The following ZNF280D variants were observed in gnomAD, a reference collection of about 807,000 sequenced individuals.
ZNF280D encodes the protein suppressor of hairy wing homolog 4.
In ZNF280D, 39 loss-of-function variants were observed where a neutral mutation model predicts 94.7. The observed-to-expected ratio is 0.41, with a 90% CI of 0.32 to 0.54. The LOEUF (loss-of-function observed/expected upper bound fraction) is 0.54. ZNF280D is among the 20% of genes least tolerant of loss of function. The probability of loss-of-function intolerance (pLI) is 0.22; values close to 1 mark genes in which losing one functional copy is unlikely to be tolerated. For missense variants in ZNF280D, 1,090 were observed against 1,149.3 expected (o/e 0.95, Z 0.75); for synonymous variants, 398 against 377.6 (o/e 1.05, Z -0.63).
Position 56,654,514 on chromosome 15 carries a change from A to G in ZNF280D, c.2058-11T>C. ...ACTAGAGTAATGCCCCTAAAAAAAA[A>G]AGCATTAAAAAAAGATTTTTATCTT... On this transcript the variant is annotated splice_polypyrimidine_tract_variant and intron_variant, in intron 17 of 21. Coordinates refer to ENST00000267807, the MANE Select transcript of ZNF280D (RefSeq NM_017661.4). 1 of 1,561,760 alleles carries G rather than the reference A, an allele frequency of 6.4e-7. No homozygotes were observed. Among genetic ancestry groups the G allele is most frequent in the Non-Finnish European group, 8.6e-7 (1 of 1,161,264 alleles).
intron 13 of ZNF280D, among the ~76,000 whole-genome samples, chr15:56,671,368 G>A (rs1365395611): frequency 6.6e-6 from 1 of 152,026 alleles, no homozygotes; most frequent in East Asian, 1.9e-4. Flanking sequence ...GTAAGGAAGG[G>A]GTCCAGTTTC....
intron 7 of ZNF280D, among the ~76,000 whole-genome samples, chr15:56,692,254 A>T (rs1219546338): frequency 6.6e-6 from 1 of 152,088 alleles, no homozygotes; most frequent in Non-Finnish European, 1.5e-5. Context: ...ATCAAGTATT[A>T]AAAAATTGGA....
At chr15:56,697,215 C>CAG (rs1243311564) in intron 6 of ZNF280D, among the ~76,000 whole-genome samples, 3 of 151,664 alleles carry the variant, frequency 2.0e-5, no homozygotes, top group Non-Finnish European at 2.9e-5. Context: ...GATGGAGTCT[C>CAG]ACTCTGTCAC....
chr15:56,658,567 T>G (rs1226934618), intron 16 of ZNF280D, 81 bp from the exon 17 acceptor site: 1 of 963,406 alleles, frequency 1.0e-6, no homozygotes, highest in East Asian at 3.0e-5. Flanking sequence ...AGTCCATACT[T>G]AAGTTTCTAG....
rs1181936770 is a variant in ZNF280D at position 56,666,809 on chromosome 15, G to A, written c.1723C>T (p.Pro575Ser). 6.2e-7 allele frequency: 1 copy of A among 1,613,600 alleles called. No individual in the cohort carries two copies. The highest frequency in any genetic ancestry group is 8.5e-7 in the Non-Finnish European group (1 of 1,179,860). ...PNTVKSNASKPNTSKPNGSKS... is the reference protein window; with the variant it reads ...PNTVKSNASKSNTSKPNGSKS... ...CTTCCATTAGGCTTACTTGTATTAG[G>A]TTTACTTGCGTTGGATTTGACTGTA... is the stretch of plus-strand genomic sequence containing the variant. The change falls in exon 15 of 22, where the codon CCT becomes TCT. Residue 575 changes from proline (P) to serine (S), a missense_variant. By Grantham distance (74) the Pro-to-Ser change is moderately conservative. This residue lies in a region of ZNF280D where 577 missense variants were observed against 568.8 expected (regional missense o/e 1.01). Transcript: ENST00000267807.
intron 3 of ZNF280D, 48 bp from the exon 4 acceptor site, chr15:56,704,315 T>A (rs1567011156): frequency 6.5e-7 from 1 of 1,526,926 alleles, no homozygotes; most frequent in Admixed American, 2.3e-5. Context: ...AAAATAAAAA[T>A]AAAAACATTT....
chr15:56,699,816 G>A (rs1038884283), intron 6 of ZNF280D: 1 of 154,198 alleles, frequency 6.5e-6, no homozygotes, highest in South Asian at 2.1e-4. Context: ...ACATTCAAGT[G>A]TAGAGAGTTA....
chr15:56,653,108 C>A, intron 19 of ZNF280D: 3 of 990,612 alleles, frequency 3.0e-6, no homozygotes, highest in Non-Finnish European at 3.6e-6. Context: ...GTAAAAATAA[C>A]TGCAATTTTG....
At chr15:56,643,125 A>G in intron 19 of ZNF280D, 128 bp from the exon 20 acceptor site, 1 of 539,876 alleles carries the variant, frequency 1.9e-6, no homozygotes, top group Non-Finnish European at 3.0e-6. Context: ...TTTATACTTT[A>G]ATAGTAAATT....
chr15:56,730,723 C>G (rs1414224128), intron 1 of ZNF280D: 3 of 152,190 alleles, frequency 2.0e-5, no homozygotes, highest in Non-Finnish European at 2.9e-5. Context: ...TTCCAAGTTC[C>G]CTAAAGTAGA....
chr15:56,668,606 T>C (rs1166475606), intron 14 of ZNF280D, among the ~76,000 whole-genome samples: 1 of 152,094 alleles, frequency 6.6e-6, no homozygotes, highest in Non-Finnish European at 1.5e-5. Flanking sequence ...AATTGAGTTG[T>C]ACTTTTTAAA....
At chr15:56,695,089 T>A (rs1358033424) in intron 6 of ZNF280D, among the ~76,000 whole-genome samples, 1 of 140,754 alleles carries the variant, frequency 7.1e-6, no homozygotes, top group Non-Finnish European at 1.6e-5. Flanking sequence ...TGTGTGTGTG[T>A]GAAATGGAGT....
intron 8 of ZNF280D, 41 bp downstream of exon 8, chr15:56,689,259 A>C: frequency 6.3e-7 from 1 of 1,578,332 alleles, no homozygotes; most frequent in Non-Finnish European, 8.6e-7. Context: ...TGTATGTATA[A>C]ATACTATAAC....
chr15:56,655,292 C>CCA (rs1413331794), intron 17 of ZNF280D, among the ~76,000 whole-genome samples: 1 of 152,216 alleles, frequency 6.6e-6, no homozygotes, highest in Non-Finnish European at 1.5e-5. Flanking sequence ...ACTGCAACCT[C>CCA]CACCTCCTGG....
chr15:56,641,945 ATG>A (rs1389947246), intron 20 of ZNF280D, among the ~76,000 whole-genome samples: 1 of 151,724 alleles, frequency 6.6e-6, no homozygotes, highest in East Asian at 1.9e-4. Flanking sequence ...TATTTACAAC[ATG>A]TTTAAAATTA....
chr15:56,650,213 T>C (rs1284694738), intron 19 of ZNF280D, among the ~76,000 whole-genome samples: 3 of 152,030 alleles, frequency 2.0e-5, no homozygotes, highest in Non-Finnish European at 4.4e-5. Context: ...CAATGTTCAG[T>C]GACAAAGAAT....
chr15:56,634,053 T>A (rs1384371848), intron 21 of ZNF280D: 3 of 152,110 alleles, frequency 2.0e-5, no homozygotes, highest in Non-Finnish European at 1.5e-5. Context: ...GCTAGTCAAG[T>A]GAATCAGTGG....
intron 13 of ZNF280D, among the ~76,000 whole-genome samples, chr15:56,669,456 C>T (rs1305359328): frequency 4.6e-5 from 7 of 151,802 alleles, no homozygotes; most frequent in Non-Finnish European, 1.0e-4. Context: ...ATAATATCTC[C>T]TATGATAATG....
chr15:56,676,910 T>C, intron 12 of ZNF280D, 94 bp from the exon 13 acceptor site: 1 of 967,354 alleles, frequency 1.0e-6, no homozygotes, highest in Non-Finnish European at 1.6e-6. Flanking sequence ...CAGGAGAACA[T>C]TATGTACTAC....
Sources: gnomAD v4.1 joint callset for allele counts (sites outside exome capture counted in the v4.1 genomes callset) on GRCh38, gnomAD v4.1.1 for gene constraint, gnomAD v4.1.1 regional missense constraint, MANE v1.5 for transcripts, NCBI Gene and HGNC (gene_info 2026-07-23, HGNC 2026-07-21) for gene names.